Variants in DIAPH2 observed in about 807,000 individuals in gnomAD.
The protein encoded by DIAPH2 is protein diaphanous homolog 2.
In DIAPH2, 35 loss-of-function variants were observed where a neutral mutation model predicts 92.7. The ratio of observed to expected loss-of-function variants is 0.38; its 90% CI spans 0.29 to 0.50. DIAPH2 has a LOEUF of 0.50. DIAPH2 is among the 20% of genes least tolerant of loss of function. The pLI, the probability that DIAPH2 is intolerant of heterozygous loss-of-function variation, is 0.94. For synonymous variants in DIAPH2, 301 were observed against 280.4 expected (o/e 1.07, Z -0.73); for missense variants, 701 against 819.5 (o/e 0.86, Z 1.77).
At chrX:96,843,533 G>A (rs1466533987) in intron 4 of DIAPH2, among the ~76,000 whole-genome samples, 2 of 111,449 alleles carry the variant, frequency 1.8e-5, no homozygotes, top group Non-Finnish European at 3.8e-5. Context: ...ATCATTGCTA[G>A]CATAGGACTG....
At chrX:97,013,863 AC>A (rs2066243265) in intron 17 of DIAPH2, among the ~76,000 whole-genome samples, 1 of 111,893 alleles carries the variant, frequency 8.9e-6, no homozygotes, top group African/African-American at 3.3e-5. Flanking sequence ...AAGTAAGATA[AC>A]TAAAACTTAG....
chrX:96,797,777 A>G (rs1186335718), intron 4 of DIAPH2, among the ~76,000 whole-genome samples: 1 of 112,736 alleles, frequency 8.9e-6, no homozygotes, highest in Non-Finnish European at 1.9e-5. Context: ...GTTTTTGATA[A>G]GAAGTCACCA....
Position 96,888,695 on chromosome X carries a change from G to C in DIAPH2, c.587+6977G>C, listed in dbSNP as rs751930245. Among the ~76,000 whole-genome samples, 7 of 102,724 alleles carry C rather than the reference G, an allele frequency of 6.8e-5. No individual in the cohort carries two copies. The South Asian group carries it at 2.6e-3, about 38-fold the overall frequency. The allele number at this position is 102,724 out of a possible 115,157, so 89.2% of individuals were successfully genotyped here. A position where few individuals can be genotyped will look rare whatever the true frequency, so the allele number is the denominator to read the frequency against. On this transcript the variant is annotated intron_variant, in intron 5 of 26. Coordinates refer to ENST00000324765, the MANE Select transcript of DIAPH2 (RefSeq NM_006729.5). ...TATATATATATCTGTGTATATATTAGTATGTATATGGCATTTACTACCCCT... is the reference window on the plus strand; with the variant it reads ...TATATATATATCTGTGTATATATTACTATGTATATGGCATTTACTACCCCT...
intron 22 of DIAPH2, among the ~76,000 whole-genome samples, chrX:97,145,281 C>CTAGTAG (rs2067237096): frequency 3.4e-5 from 1 of 29,007 alleles, no homozygotes; most frequent in Non-Finnish European, 6.1e-5. Context: ...TGAACTACTA[C>CTAGTAG]CAGTAGTAGT....
At chrX:97,251,476 A>G (rs2068188262) in intron 23 of DIAPH2, among the ~76,000 whole-genome samples, 1 of 106,053 alleles carries the variant, frequency 9.4e-6, no homozygotes, top group African/African-American at 3.5e-5. Context: ...TCTGTAACCC[A>G]GGTTGGAGTG....
rs1407231307 is a variant in DIAPH2, at chrX:96,949,031, C to T, written c.1606C>T (p.Arg536Ter). ...ACTTGAAGCAGAAATCCAGCAACTT[C>T]GAACCCAGGTAATGAAAGAAGATAT... ...KELEAEIQQL[R>*]TQAQVLSSSS... Residue 536 changes from arginine to a stop codon, truncating the protein, a stop_gained, in exon 15 of 27, where the codon CGA becomes TGA. Transcript: ENST00000324765. LOFTEE classifies it high-confidence loss of function. The T allele has an allele frequency of 1.7e-6, 2 of 1,177,499 alleles. No homozygotes were observed. The highest frequency in any genetic ancestry group is 2.3e-6 in the Non-Finnish European group (2 of 870,743).
intron 25 of DIAPH2, among the ~76,000 whole-genome samples, chrX:97,388,365 C>A (rs1602555184): frequency 9.0e-6 from 1 of 111,237 alleles, no homozygotes; most frequent in African/African-American, 3.3e-5. Context: ...TATTTTATTT[C>A]TTTAGAGATG....
chrX:97,292,615 T>C (rs901591008), intron 23 of DIAPH2, among the ~76,000 whole-genome samples: 152 of 106,904 alleles, frequency 1.4e-3, no homozygotes, highest in Non-Finnish European at 2.0e-3. Flanking sequence ...GGGGCGATCT[T>C]GGCTCACTGC....
At chrX:97,350,258 C>T (rs1176653690) in intron 24 of DIAPH2, among the ~76,000 whole-genome samples, 4 of 109,445 alleles carry the variant, frequency 3.7e-5, no homozygotes, top group Admixed American at 2.0e-4. Context: ...TGCAGTGAGC[C>T]GCTGGAGACA....
At chrX:96,837,911 G>A (rs767832202) in intron 4 of DIAPH2, among the ~76,000 whole-genome samples, 15 of 111,633 alleles carry the variant, frequency 1.3e-4, no homozygotes, top group Admixed American at 1.1e-3. Flanking sequence ...TCTTATAGAT[G>A]TCATCTTATT....
chrX:97,217,635 G>C (rs1251495814), intron 22 of DIAPH2, among the ~76,000 whole-genome samples: 4 of 111,947 alleles, frequency 3.6e-5, no homozygotes, highest in African/African-American at 1.3e-4. Flanking sequence ...ATTTCACATA[G>C]GTATTCATTC....
In DIAPH2 at chrX:97,520,800, A is replaced by T. The variant is rs193230129; in HGVS notation, c.3242-78453A>T. Among the ~76,000 whole-genome samples, 6 of 112,425 alleles carry T rather than the reference A, an allele frequency of 5.3e-5. No individual in the cohort carries two copies. In the East Asian group the frequency reaches 1.4e-3, roughly 26 times the overall value. The stretch of plus-strand genomic sequence containing the variant: ...TATGTTTTATAATTCTTATTATCTG[A>T]CGAAACACAGACAGTTTAAAATGGA... On this transcript the variant is annotated intron_variant, in intron 26 of 26. Coordinates refer to ENST00000324765, the MANE Select transcript of DIAPH2 (RefSeq NM_006729.5).
chrX:97,070,352 T>A (rs1014475130), intron 17 of DIAPH2, among the ~76,000 whole-genome samples: 2 of 111,748 alleles, frequency 1.8e-5, no homozygotes, highest in African/African-American at 6.5e-5. Flanking sequence ...CTTCAAATAA[T>A]TATAGAATTG....
intron 21 of DIAPH2, among the ~76,000 whole-genome samples, chrX:97,122,004 A>G (rs1308386953): frequency 8.9e-6 from 1 of 111,998 alleles, no homozygotes; most frequent in Non-Finnish European, 1.9e-5. Flanking sequence ...AAAAACTAGT[A>G]AAGGTACAAG....
rs192671378 is a variant in DIAPH2, at chrX:96,923,841, A to G, written c.978+5224A>G. 5.4e-5 allele frequency among the ~76,000 whole-genome samples: 6 copies of G among 112,018 alleles called. No homozygotes were observed. The East Asian group carries it at 1.7e-3, about 31-fold the overall frequency. ...GTTACACCATACCTCACTAACTCAC[A>G]TATTTAGTGATGACCCTGACTCAAC... On this transcript the variant is annotated intron_variant, in intron 9 of 26. Transcript: ENST00000324765.
At chrX:97,047,633 C>A (rs950666703) in intron 17 of DIAPH2, among the ~76,000 whole-genome samples, 10 of 90,876 alleles carry the variant, frequency 1.1e-4, no homozygotes. Context: ...CTCAAGTTAG[C>A]CAAGTATATA....
intron 24 of DIAPH2, among the ~76,000 whole-genome samples, chrX:97,348,916 G>A (rs1215919649): frequency 9.2e-6 from 1 of 109,049 alleles, no homozygotes; most frequent in East Asian, 2.9e-4. Flanking sequence ...GGAGTAGCAG[G>A]AAGAGCACAG....
At chrX:97,205,825 A>G (rs987815235) in intron 22 of DIAPH2, among the ~76,000 whole-genome samples, 1 of 111,617 alleles carries the variant, frequency 9.0e-6, no homozygotes, top group African/African-American at 3.3e-5. Flanking sequence ...AAGGATTATA[A>G]ATCATTCTAT....
chrX:96,896,888 T>C (rs2065348478), intron 5 of DIAPH2, among the ~76,000 whole-genome samples: 1 of 111,975 alleles, frequency 8.9e-6, no homozygotes, highest in African/African-American at 3.2e-5. Context: ...TATATATTTG[T>C]TATTTTTGTG....
Sources: allele counts gnomAD v4.1 joint callset (sites outside exome capture counted in the v4.1 genomes callset), GRCh38; gene constraint gnomAD v4.1.1; transcripts MANE v1.5; gene names NCBI Gene and HGNC (gene_info 2026-07-23, HGNC 2026-07-21).